The following ATP5F1D variants were observed in gnomAD, a reference collection of about 807,000 sequenced individuals.
The protein encoded by ATP5F1D is ATP synthase F(1) complex subunit delta, mitochondrial.
In ATP5F1D, 16 loss-of-function variants were observed where a neutral mutation model predicts 13.0. That is an observed-to-expected ratio of 1.23 (90% CI 0.83 to 1.87). The LOEUF (loss-of-function observed/expected upper bound fraction) is 1.87, where lower values mean the gene tolerates loss of function less well. Among genes scored for constraint, ATP5F1D ranks in the 40% most tolerant of loss-of-function variants. The pLI is 0.00. For missense variants in ATP5F1D, 294 were observed against 246.2 expected, an observed-to-expected ratio of 1.19 and a Z score of -1.30; for synonymous variants, 129 against 116.2, an observed-to-expected ratio of 1.11 and a Z score of -0.71.
chr19:1,244,392 G>T lies in ATP5F1D; in HGVS notation c.462G>T (p.Gln154His). ...TADEATRAEI[Q>H]IRIEANEALV... ...ACGAGGCCACGCGGGCAGAGATCCA[G>T]ATCCGAATCGAGGCCAACGAGGCCC... Residue 154 changes from glutamine (Q) to histidine (H), a missense_variant, in exon 4 of 4, where the codon CAG becomes CAT. Transcript: ENST00000215375. 1 of 1,570,348 alleles carries T rather than the reference G, an allele frequency of 6.4e-7. No individual in the cohort carries two copies. Among genetic ancestry groups the T allele is most frequent in the Non-Finnish European group, 8.6e-7 (1 of 1,157,640 alleles).
rs767462384 is a variant in ATP5F1D at position 1,244,459 on chromosome 19, G to C, written c.*22G>C. On this transcript the variant is annotated 3_prime_UTR_variant, in exon 4 of 4. Transcript: ENST00000215375. ...GTAGGCGGTGCGTACCCGGTGTCCC[G>C]AGGCCCGGCCAGGGGCTGGGCAGGG... 26 of 1,545,320 alleles carry C rather than the reference G, an allele frequency of 1.7e-5. 1 individual carries two copies. In the South Asian group the frequency reaches 3.1e-4, roughly 18 times the overall value.
At chr19:1,242,218 T>C (rs867963625) in intron 1 of ATP5F1D, 3 of 763,378 alleles carry the variant, frequency 3.9e-6, no homozygotes. Flanking sequence ...CTCCCCGATC[T>C]CCCTGGCCAA....
chr19:1,242,211 C>A lies in ATP5F1D; in HGVS notation c.141+220C>A, dbSNP rs890781151. The A allele has an allele frequency of 6.5e-6, 5 of 769,948 alleles. No individual in the cohort carries two copies. The Middle Eastern group carries it at 1.3e-3, about 193-fold the overall frequency. 47.7% of individuals were successfully genotyped at this position (769,948 alleles called of 1,614,324 possible). A position where few individuals can be genotyped will look rare whatever the true frequency, so the allele number is the denominator to read the frequency against. On this transcript the variant is annotated intron_variant, in intron 1 of 3. Coordinates refer to ENST00000215375, the MANE Select transcript of ATP5F1D (RefSeq NM_001687.5). ...AGATAAGCGTCTCCTGGGTGCCCTCCCCGATCTCCCTGGCCAAAGCCTGGG... is the reference window on the plus strand; with the variant it reads ...AGATAAGCGTCTCCTGGGTGCCCTCACCGATCTCCCTGGCCAAAGCCTGGG...
In ATP5F1D at chr19:1,241,858, C is replaced by T; in HGVS notation, c.8C>T (p.Pro3Leu). 2.2e-6 allele frequency: 3 copies of T among 1,375,694 alleles called. No individual in the cohort carries two copies. Among genetic ancestry groups the T allele is most frequent in the African/African-American group, 1.5e-5 (1 of 65,812 alleles). 85.2% of individuals were successfully genotyped at this position (1,375,694 alleles called of 1,614,324 possible). A position where few individuals can be genotyped will look rare whatever the true frequency, so the allele number is the denominator to read the frequency against. ML[P>L]AALLRRPGLG... Reference sequence around the variant, plus strand: ...CTGCCGCCCGCCGCTGCCATGCTGCCCGCCGCGCTGCTCCGCCGCCCGGGA... The same window carrying T: ...CTGCCGCCCGCCGCTGCCATGCTGCTCGCCGCGCTGCTCCGCCGCCCGGGA... The change falls in exon 1 of 4, where the codon CCC (proline) becomes CTC (leucine). Residue 3 changes from proline to leucine, a missense_variant. Coordinates refer to ENST00000215375, the MANE Select transcript of ATP5F1D (RefSeq NM_001687.5).
chr19:1,243,656 CA>C (rs916324092), intron 2 of ATP5F1D, among the ~76,000 whole-genome samples: 2 of 152,054 alleles, frequency 1.3e-5, no homozygotes, highest in African/African-American at 4.8e-5. Context: ...GACCCTGTGC[CA>C]AAAAAACCCC....
intron 2 of ATP5F1D, 158 bp from the exon 3 acceptor site, chr19:1,243,939 C>G: frequency 1.4e-6 from 1 of 721,022 alleles, no homozygotes; most frequent in South Asian, 1.9e-5. Flanking sequence ...ATGTTGGGCC[C>G]AGGGCCAGTC....
At chr19:1,242,179 C>A in intron 1 of ATP5F1D, 188 bp downstream of exon 1, 1 of 887,566 alleles carries the variant, frequency 1.1e-6, no homozygotes, top group Non-Finnish European at 1.5e-6. Context: ...TCCCGGGCAC[C>A]TCCCCGAGAT....
rs2081038789 is a variant in ATP5F1D, at chr19:1,241,899, C to T, written c.49C>T (p.Arg17Cys). Residue 17 changes from arginine to cysteine, a missense_variant, in exon 1 of 4, where the codon CGC (arginine) becomes TGC (cysteine). Transcript: ENST00000215375. ...LRRPGLGRLV[R>C]HARAYAEAAA... ...CCGCCCGGGACTTGGCCGCCTCGTC[C>T]GCCACGCCCGTGCCTATGCCGAGGC... The T allele has an allele frequency of 2.7e-6, 4 of 1,467,054 alleles. No homozygotes were observed. The South Asian group carries it at 5.4e-5, about 20-fold the overall frequency. 90.9% of individuals were successfully genotyped at this position (1,467,054 alleles called of 1,614,324 possible).
At position 1,244,602 on chromosome 19, in the gene ATP5F1D, T is replaced by A; in HGVS notation, c.*165T>A. The A allele has an allele frequency of 8.7e-7, 1 of 1,148,798 alleles. No individual in the cohort carries two copies. The highest frequency in any genetic ancestry group is 1.2e-6 in the Non-Finnish European group (1 of 827,832). 71.2% of individuals were successfully genotyped at this position (1,148,798 alleles called of 1,614,324 possible). On this transcript the variant is annotated 3_prime_UTR_variant, in exon 4 of 4. Coordinates refer to ENST00000215375, the MANE Select transcript of ATP5F1D (RefSeq NM_001687.5). ...GCCTGGGCCCCAGGCCCTGCCTGTG[T>A]TGAAAGCTCTGGGGACTGGGCCAGG...
rs527497822 is a variant in ATP5F1D, at chr19:1,241,752, G to A, written c.-99G>A. Reference sequence around the variant, plus strand: ...GCTCTCGCCGGGACTCCTCCTCCCAGACGTCCCTGCGCGTCGTCCTCCTCG... The same window carrying A: ...GCTCTCGCCGGGACTCCTCCTCCCAAACGTCCCTGCGCGTCGTCCTCCTCG... On this transcript the variant is annotated 5_prime_UTR_variant, in exon 1 of 4. Transcript: ENST00000215375. 2 of 1,218,328 alleles carry A rather than the reference G, an allele frequency of 1.6e-6. No individual in the cohort carries two copies. The highest frequency in any genetic ancestry group is 7.3e-5 in the East Asian group (2 of 27,424). The allele number at this position is 1,218,328 out of a possible 1,614,324, so 75.5% of individuals were successfully genotyped here.
intron 2 of ATP5F1D, among the ~76,000 whole-genome samples, chr19:1,243,544 T>C (rs2081047866): frequency 6.6e-6 from 1 of 151,992 alleles, no homozygotes; most frequent in South Asian, 2.1e-4. Context: ...TAGTCCCAGC[T>C]ACTCGGGAGG....
chr19:1,244,610 T>A lies in ATP5F1D; in HGVS notation c.*173T>A, dbSNP rs1429946510. On this transcript the variant is annotated 3_prime_UTR_variant, in exon 4 of 4. Transcript: ENST00000215375. ...CCCAGGCCCTGCCTGTGTTGAAAGC[T>A]CTGGGGACTGGGCCAGGGAAGCTCC... The A allele has an allele frequency of 1.4e-5, 15 of 1,070,454 alleles. No individual in the cohort carries two copies. Among genetic ancestry groups the A allele is most frequent in the African/African-American group, 4.8e-5 (3 of 62,026 alleles). The allele number at this position is 1,070,454 out of a possible 1,614,324, so 66.3% of individuals were successfully genotyped here. A position where few individuals can be genotyped will look rare whatever the true frequency, so the allele number is the denominator to read the frequency against.
At position 1,244,615 on chromosome 19, in the gene ATP5F1D, G is replaced by A. The variant is rs555922603; in HGVS notation, c.*178G>A. ...GCCCTGCCTGTGTTGAAAGCTCTGG[G>A]GACTGGGCCAGGGAAGCTCCTCCTC... is the stretch of plus-strand genomic sequence containing the variant. On this transcript the variant is annotated 3_prime_UTR_variant, in exon 4 of 4. Coordinates refer to ENST00000215375, the MANE Select transcript of ATP5F1D (RefSeq NM_001687.5). The A allele has an allele frequency of 4.9e-6, 5 of 1,030,598 alleles. No individual in the cohort carries two copies. The East Asian group carries it at 1.1e-4, about 22-fold the overall frequency. 63.8% of individuals were successfully genotyped at this position (1,030,598 alleles called of 1,614,324 possible).
In ATP5F1D at chr19:1,244,411, G is replaced by GAGGCCCTGGTGA; in HGVS notation, c.491_502dup (p.Val164_Leu167dup). The stretch of plus-strand genomic sequence containing the variant: ...GATCCAGATCCGAATCGAGGCCAAC[G>GAGGCCCTGGTGA]AGGCCCTGGTGAAGGCCCTGGAGTA... On this transcript the variant is annotated inframe_insertion, in exon 4 of 4. Transcript: ENST00000215375. The GAGGCCCTGGTGA allele has an allele frequency of 1.9e-6, 3 of 1,562,798 alleles. No homozygotes were observed. The highest frequency in any genetic ancestry group is 2.6e-6 in the Non-Finnish European group (3 of 1,153,494).
chr19:1,241,932 GC>G lies in ATP5F1D; in HGVS notation c.86del (p.Pro29ArgfsTer35). The G allele has an allele frequency of 2.0e-6, 3 of 1,494,682 alleles. No homozygotes were observed. Among genetic ancestry groups the G allele is most frequent in the South Asian group, 1.3e-5 (1 of 78,098 alleles). 92.6% of individuals were successfully genotyped at this position (1,494,682 alleles called of 1,614,324 possible). On this transcript the variant is annotated frameshift_variant, in exon 1 of 4. Coordinates refer to ENST00000215375, the MANE Select transcript of ATP5F1D (RefSeq NM_001687.5). LOFTEE classifies it high-confidence loss of function. ...HARAYAEAAA[A>X]PAAASGPNQM... Reference sequence around the variant, plus strand: ...CCGTGCCTATGCCGAGGCCGCCGCCGCCCCGGCTGCCGCCTCTGGCCCCAAC... The same window carrying G: ...CCGTGCCTATGCCGAGGCCGCCGCCGCCCGGCTGCCGCCTCTGGCCCCAAC...
chr19:1,242,969 AC>A (rs1343347613), intron 2 of ATP5F1D: 5 of 163,258 alleles, frequency 3.1e-5, no homozygotes, highest in Non-Finnish European at 6.7e-5. Context: ...TACTAAAAAT[AC>A]AAAAAATTAG....
chr19:1,242,671 TC>T, intron 2 of ATP5F1D, 62 bp downstream of exon 2: 1 of 1,408,696 alleles, frequency 7.1e-7, no homozygotes, highest in African/African-American at 1.5e-5. Flanking sequence ...CAGGTCAGTC[TC>T]CGTCTCAGTT....
Position 1,242,006 on chromosome 19 carries a change from G to A in ATP5F1D, c.141+15G>A. ...CTCCCACGCAGGTTCGGGCGCTGCG[G>A]GTCGGGACCCTCCGTGGCCGCCGCC... On this transcript the variant is annotated intron_variant, in intron 1 of 3. Coordinates refer to ENST00000215375, the MANE Select transcript of ATP5F1D (RefSeq NM_001687.5). The A allele has an allele frequency of 7.1e-7, 1 of 1,403,236 alleles. No homozygotes were observed. The highest frequency in any genetic ancestry group is 9.3e-7 in the Non-Finnish European group (1 of 1,075,132). The allele number at this position is 1,403,236 out of a possible 1,614,324, so 86.9% of individuals were successfully genotyped here.
At position 1,242,242 on chromosome 19, in the gene ATP5F1D, C is replaced by T. The variant is rs1006621141; in HGVS notation, c.142-214C>T. The T allele has an allele frequency of 1.4e-5, 11 of 770,110 alleles. No individual in the cohort carries two copies. The African/African-American group carries it at 1.5e-4, about 10-fold the overall frequency. 47.7% of individuals were successfully genotyped at this position (770,110 alleles called of 1,614,324 possible). ...CTCCCTGGCCAAAGCCTGGGTGTCG[C>T]CGGATCGTTGCATTCCCATTTCGCG... On this transcript the variant is annotated intron_variant, in intron 1 of 3. Coordinates refer to ENST00000215375, the MANE Select transcript of ATP5F1D (RefSeq NM_001687.5).
Sources: gnomAD v4.1 joint callset for allele counts (sites outside exome capture counted in the v4.1 genomes callset) on GRCh38, gnomAD v4.1.1 for gene constraint, MANE v1.5 for transcripts, NCBI Gene and HGNC (gene_info 2026-07-23, HGNC 2026-07-21) for gene names.